AP4E1: variants seen among roughly 807,000 people sequenced by gnomAD.
The protein encoded by AP4E1 is AP-4 complex subunit epsilon-1.
Under a neutral mutation model 128.2 loss-of-function variants are expected in AP4E1, and 56 were observed. The ratio of observed to expected loss-of-function variants is 0.44; its 90% CI spans 0.35 to 0.55. AP4E1 has a LOEUF of 0.55. Among genes scored for constraint, AP4E1 ranks in the 20% least tolerant of loss-of-function variants. AP4E1 has a pLI of 0.00. For missense variants in AP4E1, 1,324 were observed against 1,307.7 expected (o/e 1.01, Z -0.19); for synonymous variants, 484 against 473.1 (o/e 1.02, Z -0.30).
At chr15:50,941,166 C>T (rs1009027056) in intron 8 of AP4E1, among the ~76,000 whole-genome samples, 1 of 152,038 alleles carries the variant, frequency 6.6e-6, no homozygotes, top group African/African-American at 2.4e-5. Flanking sequence ...TGAAACCATG[C>T]CTGGCACATG....
At chr15:50,980,094 A>G (rs1041715964) in intron 15 of AP4E1, among the ~76,000 whole-genome samples, 8 of 152,230 alleles carry the variant, frequency 5.3e-5, no homozygotes, top group Non-Finnish European at 8.8e-5. Context: ...GTTAGAGATT[A>G]TTAAGTGTTC....
At chr15:50,979,066 T>C (rs1239736435) in intron 15 of AP4E1, among the ~76,000 whole-genome samples, 1 of 152,206 alleles carries the variant, frequency 6.6e-6, no homozygotes, top group Admixed American at 6.5e-5. Context: ...TTTGTACCTC[T>C]AATTTTGAGC....
chr15:50,910,363 C>T (rs539505680), intron 1 of AP4E1, among the ~76,000 whole-genome samples: 29 of 152,286 alleles, frequency 1.9e-4, no homozygotes, highest in African/African-American at 5.5e-4. Flanking sequence ...AAAAAGAGCA[C>T]GTGTTAATGT....
chr15:50,923,390 A>G (rs1253586213), intron 3 of AP4E1, among the ~76,000 whole-genome samples: 1 of 152,178 alleles, frequency 6.6e-6, no homozygotes, highest in African/African-American at 2.4e-5. Context: ...TTTCCTAAAT[A>G]ATTGTTATTC....
chr15:50,908,587 C>T, upstream of AP4E1: 2 of 658,646 alleles, frequency 3.0e-6, no homozygotes, highest in Non-Finnish European at 4.5e-6. Context: ...TTTCCACCCC[C>T]GCGGTCTCTT....
chr15:51,001,297 CTG>C, intron 20 of AP4E1, 114 bp downstream of exon 20: 1 of 998,122 alleles, frequency 1.0e-6, no homozygotes, highest in Non-Finnish European at 1.5e-6. Context: ...CCTATTATGA[CTG>C]TCTTTCAGAT....
intron 5 of AP4E1, among the ~76,000 whole-genome samples, chr15:50,927,679 T>A (rs768404427): frequency 3.9e-5 from 6 of 152,100 alleles, no homozygotes; most frequent in Non-Finnish European, 8.8e-5. Context: ...TTCTTTTTTT[T>A]TTTGTGAAGA....
At chr15:50,987,962 T>TTATA (rs200990623) in intron 16 of AP4E1, among the ~76,000 whole-genome samples, 2 of 151,672 alleles carry the variant, frequency 1.3e-5, no homozygotes, top group Non-Finnish European at 2.9e-5. Context: ...TTGCTACATA[T>TTATA]TATATATATA....
rs2064956626 is a variant in AP4E1 at position 51,001,091 on chromosome 15, A to G, written c.3161A>G (p.Gln1054Arg). Residue 1054 changes from glutamine to arginine, a missense_variant, in exon 20 of 21, where the codon CAA becomes CGA. Gln to Arg is a conservative substitution (Grantham distance 43). Coordinates refer to ENST00000261842, the MANE Select transcript of AP4E1 (RefSeq NM_007347.5). ...LWLSFANDVK[Q>R]NVKMSESQAA... is the part of the protein sequence containing the mutation. The stretch of plus-strand genomic sequence containing the variant: ...TTATCCTTCGCAAATGATGTGAAAC[A>G]AAATGTAAAAATGTCAGAATCTCAA... 6.2e-7 allele frequency: 1 copy of G among 1,613,540 alleles called. No homozygotes were observed. The highest frequency in any genetic ancestry group is 8.5e-7 in the Non-Finnish European group (1 of 1,179,698).
chr15:50,997,491 A>G lies in AP4E1; in HGVS notation c.2512A>G (p.Thr838Ala). Residue 838 changes from threonine (T) to alanine (A), a missense_variant, in exon 18 of 21, where the codon ACA (threonine) becomes GCA (alanine). Thr to Ala is a moderately conservative substitution (Grantham distance 58, BLOSUM62 0). Coordinates refer to ENST00000261842, the MANE Select transcript of AP4E1 (RefSeq NM_007347.5). ...DDYYSNTLHDTGDKELKKFSL... is the reference protein window; with the variant it reads ...DDYYSNTLHDAGDKELKKFSL... The stretch of plus-strand genomic sequence containing the variant: ...TTATTATTCGAATACTTTGCACGAT[A>G]CAGGAGACAAGGAATTAAAGAAATT... 6.2e-7 allele frequency: 1 copy of G among 1,614,106 alleles called. No individual in the cohort carries two copies. Among genetic ancestry groups the G allele is most frequent in the Non-Finnish European group, 8.5e-7 (1 of 1,179,986 alleles).
chr15:50,966,906 A>G (rs1056368054), intron 14 of AP4E1, among the ~76,000 whole-genome samples: 1 of 152,124 alleles, frequency 6.6e-6, no homozygotes, highest in Non-Finnish European at 1.5e-5. Flanking sequence ...TTTGATAATT[A>G]TTTGCTATTC....
chr15:50,930,660 T>C (rs1054085251), intron 6 of AP4E1, 145 bp from the exon 7 acceptor site: 3 of 810,220 alleles, frequency 3.7e-6, no homozygotes, highest in Non-Finnish European at 5.9e-6. Flanking sequence ...TCATGGAAGA[T>C]ATTATACATA....
chr15:50,972,237 A>C (rs1313784973), intron 15 of AP4E1, among the ~76,000 whole-genome samples: 3 of 151,778 alleles, frequency 2.0e-5, no homozygotes, highest in African/African-American at 7.3e-5. Context: ...TTTGAGAAGG[A>C]GTCTCGCTCT....
intron 13 of AP4E1, among the ~76,000 whole-genome samples, chr15:50,952,323 A>C (rs1375197434): frequency 6.6e-6 from 1 of 151,932 alleles, no homozygotes; most frequent in South Asian, 2.1e-4. Context: ...ATCCTGGCTA[A>C]CATGGTAACA....
intron 19 of AP4E1, among the ~76,000 whole-genome samples, chr15:51,000,774 T>C (rs1292680446): frequency 2.0e-5 from 3 of 152,190 alleles, no homozygotes; most frequent in African/African-American, 7.2e-5. Context: ...CTGGAATGAC[T>C]AGTAGAAAGA....
At chr15:50,977,108 T>A (rs914232821) in intron 15 of AP4E1, among the ~76,000 whole-genome samples, 1 of 152,180 alleles carries the variant, frequency 6.6e-6, no homozygotes, top group African/African-American at 2.4e-5. Context: ...GCCTAACCTG[T>A]GGTTATACTG....
chr15:50,999,059 C>T lies in AP4E1; in HGVS notation c.2905-13C>T, dbSNP rs370483451. On this transcript the variant is annotated splice_polypyrimidine_tract_variant and intron_variant, in intron 18 of 20. Transcript: ENST00000261842. ...CCTTCCTTCTTCAACACTTTTATTA[C>T]TTCTATTTGCAGGTGACTGAGCAAC... 9.3e-6 allele frequency: 15 copies of T among 1,613,272 alleles called. No homozygotes were observed. The highest frequency in any genetic ancestry group is 1.3e-5 in the Non-Finnish European group (15 of 1,179,442).
chr15:50,908,989 C>T, intron 1 of AP4E1, 61 bp downstream of exon 1: 1 of 1,598,964 alleles, frequency 6.3e-7, no homozygotes, highest in Non-Finnish European at 8.5e-7. Context: ...CGCCAGGAGG[C>T]CCTGGCCGGG....
intron 16 of AP4E1, among the ~76,000 whole-genome samples, chr15:50,984,447 T>C (rs1427460408): frequency 6.7e-6 from 1 of 149,094 alleles, no homozygotes; most frequent in Non-Finnish European, 1.5e-5. Flanking sequence ...CCTAATACTA[T>C]CCCTTCCCCC....
Sources: gnomAD v4.1 joint callset for allele counts (sites outside exome capture counted in the v4.1 genomes callset) on GRCh38, gnomAD v4.1.1 for gene constraint, MANE v1.5 for transcripts, NCBI Gene and HGNC (gene_info 2026-07-23, HGNC 2026-07-21) for gene names.